The following SETD7 variants were observed in gnomAD, a reference collection of about 807,000 sequenced individuals.
SETD7 encodes histone-lysine N-methyltransferase SETD7.
A neutral mutation model predicts 41.8 loss-of-function variants in SETD7; 16 were observed. That is an observed-to-expected ratio of 0.38 (90% CI 0.26 to 0.58). The LOEUF (loss-of-function observed/expected upper bound fraction) is 0.58. Ranked by LOEUF, SETD7 falls within the 20% of genes least tolerant of loss-of-function variation. The pLI, the probability that SETD7 is intolerant of heterozygous loss-of-function variation, is 0.64. For synonymous variants in SETD7, 163 were observed against 169.7 expected (o/e 0.96, Z 0.31); for missense variants, 346 against 459.7 (o/e 0.75, Z 2.26).
chr4:139,500,857 G>A (rs1283318476), intron 7 of SETD7, among the ~76,000 whole-genome samples: 1 of 152,120 alleles, frequency 6.6e-6, no homozygotes, highest in Non-Finnish European at 1.5e-5. Context: ...CCTTGAAATA[G>A]TTTTCGGGGC....
intron 4 of SETD7, 41 bp from the exon 5 acceptor site, chr4:139,523,476 G>C (rs770228432): frequency 2.1e-6 from 3 of 1,426,196 alleles, no homozygotes; most frequent in Non-Finnish European, 3.0e-6. Flanking sequence ...TGCAGAGTTA[G>C]GGAAGAGCAT....
In SETD7 at chr4:139,533,247, T is replaced by A; in HGVS notation, c.290A>T (p.Glu97Val). The change falls in exon 3 of 8, where the codon GAA (glutamate) becomes GTA (valine). Residue 97 changes from glutamate to valine, a missense_variant. Coordinates refer to ENST00000274031, the MANE Select transcript of SETD7 (RefSeq NM_030648.4). ...GATCAGTCTCCCATCTGTGTCATAT[T>A]CCTGGGCTGGACCGTTCAGCTCTCC... ...VDGELNGPAQ[E>V]YDTDGRLIFK... The A allele has an allele frequency of 6.2e-7, 1 of 1,614,214 alleles. No homozygotes were observed. Among genetic ancestry groups the A allele is most frequent in the Non-Finnish European group, 8.5e-7 (1 of 1,180,016 alleles).
At chr4:139,531,358 A>G in intron 3 of SETD7, among the ~76,000 whole-genome samples, 1 of 152,154 alleles carries the variant, frequency 6.6e-6, no homozygotes. Flanking sequence ...TAGTAATCCA[A>G]CACTTTGCCT....
At chr4:139,527,072 C>T (rs1727353756) in intron 4 of SETD7, among the ~76,000 whole-genome samples, 1 of 152,150 alleles carries the variant, frequency 6.6e-6, no homozygotes, top group Non-Finnish European at 1.5e-5. Flanking sequence ...AGAGAGTGTA[C>T]TCACACAAAC....
At chr4:139,534,466 C>A (rs1727581746) in intron 2 of SETD7, among the ~76,000 whole-genome samples, 1 of 152,096 alleles carries the variant, frequency 6.6e-6, no homozygotes, top group Non-Finnish European at 1.5e-5. Context: ...TGGCTCACTG[C>A]AGCCTCGACC....
chr4:139,549,371 C>T (rs1728046479), intron 1 of SETD7, among the ~76,000 whole-genome samples: 1 of 152,184 alleles, frequency 6.6e-6, no homozygotes, highest in African/African-American at 2.4e-5. Flanking sequence ...GAATAAAACA[C>T]TGAAGGTGCA....
Position 139,517,889 on chromosome 4 carries a change from C to A in SETD7, c.916G>T (p.Asp306Tyr). The change falls in exon 7 of 8, where the codon GAT (aspartate) becomes TAT (tyrosine). Residue 306 changes from aspartate (D) to tyrosine (Y), a missense_variant. This residue lies in a region of SETD7 where 75 missense variants were observed against 65.5 expected (regional missense o/e 1.14). Coordinates refer to ENST00000274031, the MANE Select transcript of SETD7 (RefSeq NM_030648.4). Reference protein sequence around the residue: ...NHSFTPNCIYDMFVHPRFGPI... With the variant: ...NHSFTPNCIYYMFVHPRFGPI... The stretch of plus-strand genomic sequence containing the variant: ...GCAGCTCTGGGTAATACTTACATAT[C>A]GTAGATGCAGTTTGGAGTGAAGGAG... The A allele has an allele frequency of 6.2e-7, 1 of 1,612,810 alleles. No homozygotes were observed. The highest frequency in any genetic ancestry group is 8.5e-7 in the Non-Finnish European group (1 of 1,179,296).
intron 2 of SETD7, among the ~76,000 whole-genome samples, chr4:139,538,398 C>T (rs1306126483): frequency 1.3e-5 from 2 of 152,150 alleles, no homozygotes; most frequent in Admixed American, 6.5e-5. Context: ...GGTGCAATCT[C>T]GGCTTGCTGC....
intron 7 of SETD7, 63 bp from the exon 8 acceptor site, chr4:139,511,906 G>C (rs1326396203): frequency 1.9e-6 from 3 of 1,545,186 alleles, no homozygotes; most frequent in Non-Finnish European, 2.6e-6. Flanking sequence ...GCAAAGGCTA[G>C]GGAGGGGCTG....
At chr4:139,493,832 G>A (rs549024422), downstream of SETD7, among the ~76,000 whole-genome samples, 26 of 152,284 alleles carry the variant, frequency 1.7e-4, no homozygotes, top group Non-Finnish European at 2.5e-4. Context: ...AAGCCACTGC[G>A]GCTGGCTGCT....
At chr4:139,544,843 G>A (rs964293048) in intron 2 of SETD7, among the ~76,000 whole-genome samples, 1 of 119,830 alleles carries the variant, frequency 8.3e-6, no homozygotes, top group African/African-American at 3.3e-5. Flanking sequence ...TGTGTGGAGG[G>A]GGAGGCGGAG....
Position 139,517,920 on chromosome 4 carries a change from T to A in SETD7, c.885A>T (p.Ala295=). ...SKYCASLGHK[A]NHSFTPNCIY... Reference sequence around the variant, plus strand: ...TGCAGTTTGGAGTGAAGGAGTGATTTGCCTTGTGTCCCAAGGAGGCACAGT... The same window carrying A: ...TGCAGTTTGGAGTGAAGGAGTGATTAGCCTTGTGTCCCAAGGAGGCACAGT... Residue 295 remains alanine, a synonymous_variant, in exon 7 of 8, where the codon GCA becomes GCT. Transcript: ENST00000274031. 2 of 1,613,826 alleles carry A rather than the reference T, an allele frequency of 1.2e-6. No individual in the cohort carries two copies. Among genetic ancestry groups the A allele is most frequent in the Non-Finnish European group, 1.7e-6 (2 of 1,179,834 alleles).
rs1366188292 is a variant in SETD7, at chr4:139,511,647, C to T, written c.*16G>A. On this transcript the variant is annotated 3_prime_UTR_variant, in exon 8 of 8. Coordinates refer to ENST00000274031, the MANE Select transcript of SETD7 (RefSeq NM_030648.4). ...AAGTTTCTATTCCAGGTCTCTGAACCCCAAAGCCAGGCCTTTCACTTTTGC... is the reference window on the plus strand; with the variant it reads ...AAGTTTCTATTCCAGGTCTCTGAACTCCAAAGCCAGGCCTTTCACTTTTGC... 1 of 1,613,496 alleles carries T rather than the reference C, an allele frequency of 6.2e-7. No homozygotes were observed. The highest frequency in any genetic ancestry group is 1.7e-5 in the Admixed American group (1 of 59,858).
At chr4:139,529,476 G>A (rs957188361) in intron 3 of SETD7, among the ~76,000 whole-genome samples, 11 of 152,114 alleles carry the variant, frequency 7.2e-5, no homozygotes, top group African/African-American at 1.7e-4. Context: ...GGGAAATTCC[G>A]TTGCAGTTTG....
intron 7 of SETD7, among the ~76,000 whole-genome samples, chr4:139,513,930 T>G (rs1013594795): frequency 3.9e-5 from 6 of 152,240 alleles, no homozygotes; most frequent in African/African-American, 1.4e-4. Context: ...CACAAAGAGA[T>G]GCGTGGACTG....
chr4:139,520,274 C>T lies in SETD7; in HGVS notation c.762+3G>A. 3.3e-6 allele frequency: 5 copies of T among 1,505,158 alleles called. No homozygotes were observed. Among genetic ancestry groups the T allele is most frequent in the Non-Finnish European group, 4.6e-6 (5 of 1,097,872 alleles). The allele number at this position is 1,505,158 out of a possible 1,614,324, so 93.2% of individuals were successfully genotyped here. A position where few individuals can be genotyped will look rare whatever the true frequency, so the allele number is the denominator to read the frequency against. On this transcript the variant is annotated splice_donor_region_variant and intron_variant, in intron 6 of 7. Transcript: ENST00000274031. ...TTGATTTTCCACTGTCAGCCCCACT[C>T]ACCTCTTGGTGTGTAATTCGAACTC...
rs199818006 is a variant in SETD7 at position 139,522,902 on chromosome 4, C to T, written c.644+452G>A. Among the ~76,000 whole-genome samples, 11 of 151,904 alleles carry T rather than the reference C, an allele frequency of 7.2e-5. No homozygotes were observed. In the East Asian group the frequency reaches 1.5e-3, roughly 21 times the overall value. On this transcript the variant is annotated intron_variant, in intron 5 of 7. Transcript: ENST00000274031. ...CCGAGTAGCTGGGATTACAGGTATA[C>T]GCCATGACACCCAGCTAATTTTTGT...
chr4:139,541,470 C>G (rs1270681721), intron 2 of SETD7, among the ~76,000 whole-genome samples: 1 of 152,120 alleles, frequency 6.6e-6, no homozygotes, highest in African/African-American at 2.4e-5. Context: ...CAGACAGACT[C>G]CAGATCCACA....
chr4:139,505,502 T>G (rs147907493), downstream of SETD7, among the ~76,000 whole-genome samples: 1 of 150,518 alleles, frequency 6.6e-6, no homozygotes. Context: ...GGCAGGAGAG[T>G]CGCTTGAATC....
Sources: allele counts gnomAD v4.1 joint callset (sites outside exome capture counted in the v4.1 genomes callset), GRCh38; gene constraint gnomAD v4.1.1; regional missense constraint gnomAD v4.1.1; transcripts MANE v1.5; gene names NCBI Gene and HGNC (gene_info 2026-07-23, HGNC 2026-07-21).